The following NUDT3 variants were observed in gnomAD, a reference collection of about 807,000 sequenced individuals.
The protein encoded by NUDT3 is diphosphoinositol polyphosphate phosphohydrolase 1.
NUDT3 carries 9 observed loss-of-function variants against 23.6 expected under a neutral mutation model. The observed-to-expected ratio is 0.38, with a 90% CI of 0.23 to 0.66. The LOEUF (loss-of-function observed/expected upper bound fraction) is 0.66, where lower values mean the gene tolerates loss of function less well. NUDT3 is among the 30% of genes least tolerant of loss of function. NUDT3 has a pLI of 0.52. For missense variants in NUDT3, 172 were observed against 218.5 expected, an observed-to-expected ratio of 0.79 and a Z score of 1.34; for synonymous variants, 86 against 82.6, an observed-to-expected ratio of 1.04 and a Z score of -0.22.
intron 4 of NUDT3, among the ~76,000 whole-genome samples, chr6:34,291,400 C>T (rs948080007): frequency 3.3e-5 from 5 of 152,080 alleles, no homozygotes; most frequent in Non-Finnish European, 5.9e-5. Context: ...ATTTATACTG[C>T]AAAAGTGCTT....
At chr6:34,389,990 A>G (rs2113774764) in intron 1 of NUDT3, among the ~76,000 whole-genome samples, 1 of 148,838 alleles carries the variant, frequency 6.7e-6, no homozygotes, top group Middle Eastern at 3.5e-3. Context: ...ACAGAAAACT[A>G]GCCAAGCATT....
chr6:34,299,083 A>G (rs771874141), intron 2 of NUDT3, among the ~76,000 whole-genome samples: 17 of 152,120 alleles, frequency 1.1e-4, no homozygotes, highest in Non-Finnish European at 1.9e-4. Context: ...GTTTTTTCTC[A>G]AATGCTGCCA....
At chr6:34,306,208 T>C (rs1581855297) in intron 2 of NUDT3, among the ~76,000 whole-genome samples, 1 of 152,330 alleles carries the variant, frequency 6.6e-6, no homozygotes, top group Non-Finnish European at 1.5e-5. Flanking sequence ...ATTTTTACTT[T>C]ATATTGATGG....
intron 4 of NUDT3, among the ~76,000 whole-genome samples, chr6:34,291,608 T>C (rs1763423904): frequency 6.6e-6 from 1 of 152,180 alleles, no homozygotes; most frequent in African/African-American, 2.4e-5. Flanking sequence ...GTTCAAGTTA[T>C]TCTCCTGCCT....
At position 34,341,868 on chromosome 6, in the gene NUDT3, A is replaced by G. The variant is rs755950243; in HGVS notation, c.204T>C (p.Cys68=). The G allele has an allele frequency of 1.2e-6, 2 of 1,613,826 alleles. No individual in the cohort carries two copies. The highest frequency in any genetic ancestry group is 4.5e-5 in the East Asian group (2 of 44,872). The change falls in exon 2 of 5, where the codon TGT becomes TGC. Residue 68 remains cysteine (C), a synonymous_variant. Coordinates refer to ENST00000607016, the MANE Select transcript of NUDT3 (RefSeq NM_006703.4). ...CTCTCTTCTCCATGCATACCTCCTC[A>G]CAGACTTCACGAACTGCTGCCACAC... ...EPSVAAVREV[C]EEAGVKGTLG...
intron 2 of NUDT3, among the ~76,000 whole-genome samples, chr6:34,334,159 T>G (rs1764170670): frequency 6.6e-6 from 1 of 152,226 alleles, no homozygotes; most frequent in Non-Finnish European, 1.5e-5. Context: ...GCTGGGCAGT[T>G]GCTGTGACAA....
chr6:34,349,805 T>C (rs765571619), intron 1 of NUDT3, among the ~76,000 whole-genome samples: 2 of 150,630 alleles, frequency 1.3e-5, no homozygotes, highest in Non-Finnish European at 3.0e-5. Context: ...AATTAGATTA[T>C]CTAGGCCAGG....
intron 2 of NUDT3, among the ~76,000 whole-genome samples, chr6:34,314,740 G>A (rs1331614519): frequency 6.6e-6 from 1 of 152,070 alleles, no homozygotes; most frequent in East Asian, 1.9e-4. Flanking sequence ...ACACTCCTGA[G>A]GGTTCAGGTC....
intron 2 of NUDT3, among the ~76,000 whole-genome samples, chr6:34,306,298 T>C (rs996074636): frequency 1.3e-5 from 2 of 152,204 alleles, no homozygotes; most frequent in African/African-American, 4.8e-5. Flanking sequence ...TGTAGCAAGC[T>C]TTGTGATAAG....
At chr6:34,365,370 A>G (rs1309580952) in intron 1 of NUDT3, among the ~76,000 whole-genome samples, 1 of 152,202 alleles carries the variant, frequency 6.6e-6, no homozygotes. Context: ...CAGAGGTTGC[A>G]GTGAACCAAG....
chr6:34,389,324 G>A (rs1765158211), intron 1 of NUDT3, among the ~76,000 whole-genome samples: 1 of 152,198 alleles, frequency 6.6e-6, no homozygotes, highest in Non-Finnish European at 1.5e-5. Flanking sequence ...CTGCTGCCTT[G>A]TGAAGAAGGT....
At chr6:34,347,838 G>A (rs1226423389) in intron 1 of NUDT3, among the ~76,000 whole-genome samples, 2 of 152,010 alleles carry the variant, frequency 1.3e-5, no homozygotes, top group African/African-American at 4.8e-5. Context: ...ATAATGAAAA[G>A]AGATACCTGC....
chr6:34,291,707 T>G (rs62399896), intron 4 of NUDT3, among the ~76,000 whole-genome samples: 11,950 of 152,044 alleles, frequency 0.079, 948 homozygotes, highest in African/African-American at 0.21. Flanking sequence ...TTCACCATGT[T>G]GGCCAGGCTG....
chr6:34,358,576 C>G (rs1262672647), intron 1 of NUDT3, among the ~76,000 whole-genome samples: 1 of 151,924 alleles, frequency 6.6e-6, no homozygotes, highest in African/African-American at 2.4e-5. Flanking sequence ...TAAGCACAAT[C>G]AAGTGATTAT....
chr6:34,303,581 A>C (rs1198687311), intron 2 of NUDT3, among the ~76,000 whole-genome samples: 8 of 152,056 alleles, frequency 5.3e-5, no homozygotes, highest in Non-Finnish European at 1.2e-4. Context: ...GATGTTTGCT[A>C]TTGGTTTTAT....
At chr6:34,349,004 C>T (rs568696824) in intron 1 of NUDT3, among the ~76,000 whole-genome samples, 26 of 151,998 alleles carry the variant, frequency 1.7e-4, no homozygotes, top group Non-Finnish European at 2.8e-4. Context: ...GGACAACAGG[C>T]ATGGTTAATA....
intron 2 of NUDT3, among the ~76,000 whole-genome samples, chr6:34,331,836 G>A (rs965534672): frequency 1.3e-5 from 2 of 152,050 alleles, no homozygotes; most frequent in African/African-American, 4.8e-5. Flanking sequence ...CCTTGAACAA[G>A]TTGGTAGGGT....
At chr6:34,322,826 A>G (rs1487193820) in intron 2 of NUDT3, among the ~76,000 whole-genome samples, 1 of 152,236 alleles carries the variant, frequency 6.6e-6, no homozygotes, top group Non-Finnish European at 1.5e-5. Context: ...GCTACTATTC[A>G]CAATAGCAAA....
chr6:34,302,013 T>C (rs1763605372), intron 2 of NUDT3, among the ~76,000 whole-genome samples: 1 of 152,140 alleles, frequency 6.6e-6, no homozygotes, highest in Non-Finnish European at 1.5e-5. Flanking sequence ...TCATAATGAA[T>C]CTGCAGTTCT....
Sources: allele counts gnomAD v4.1 joint callset (sites outside exome capture counted in the v4.1 genomes callset), GRCh38; gene constraint gnomAD v4.1.1; transcripts MANE v1.5; gene names NCBI Gene and HGNC (gene_info 2026-07-23, HGNC 2026-07-21).